The following PHF21A variants were observed in gnomAD, a reference collection of about 807,000 sequenced individuals.
PHF21A encodes PHD finger protein 21A, also known as BHC80a.
A neutral mutation model predicts 82.5 loss-of-function variants in PHF21A; 11 were observed. That is an observed-to-expected ratio of 0.13 (90% CI 0.08 to 0.22). The LOEUF is 0.22. Ranked by LOEUF, PHF21A falls within the 10% of genes least tolerant of loss-of-function variation. The pLI, the probability that PHF21A is intolerant of heterozygous loss-of-function variation, is 1.00. For synonymous variants in PHF21A, 297 were observed against 302.8 expected (o/e 0.98, Z 0.20); for missense variants, 579 against 837.8 (o/e 0.69, Z 3.81).
chr11:45,962,783 C>T (rs1184838758), intron 10 of PHF21A, among the ~76,000 whole-genome samples: 3 of 151,422 alleles, frequency 2.0e-5, no homozygotes, highest in Non-Finnish European at 4.4e-5. Flanking sequence ...GTCCCAGCTA[C>T]TTGGGAGGTT....
At chr11:46,089,039 GAC>G (rs2096890518) in intron 3 of PHF21A, among the ~76,000 whole-genome samples, 2 of 63,132 alleles carry the variant, frequency 3.2e-5, no homozygotes, top group South Asian at 1.3e-3. Flanking sequence ...ATAAGTCCAT[GAC>G]ACAGTGTGCC....
intron 10 of PHF21A, among the ~76,000 whole-genome samples, chr11:45,956,709 G>A (rs2092667412): frequency 6.6e-6 from 1 of 152,000 alleles, no homozygotes; most frequent in African/African-American, 2.4e-5. Flanking sequence ...GCATGAAAAT[G>A]ACACACTAAG....
chr11:46,073,629 AT>A (rs1331795689), intron 6 of PHF21A, among the ~76,000 whole-genome samples: 1 of 152,206 alleles, frequency 6.6e-6, no homozygotes, highest in Non-Finnish European at 1.5e-5. Context: ...ACACGCCCAC[AT>A]ACATATATAC....
At chr11:45,970,804 G>C (rs1468909021) in intron 8 of PHF21A, 13 of 304,814 alleles carry the variant, frequency 4.3e-5, no homozygotes, top group Admixed American at 3.8e-4. Flanking sequence ...TGTAGAGAGA[G>C]TGAAGGGAGA....
chr11:45,978,164 G>T (rs1003575306), intron 7 of PHF21A, among the ~76,000 whole-genome samples: 5 of 152,112 alleles, frequency 3.3e-5, no homozygotes, highest in African/African-American at 7.2e-5. Context: ...GCCGGGCATG[G>T]TGGCACGCGC....
chr11:46,051,449 AC>A (rs1387423709), intron 6 of PHF21A, among the ~76,000 whole-genome samples: 2 of 152,164 alleles, frequency 1.3e-5, no homozygotes, highest in African/African-American at 2.4e-5. Flanking sequence ...CATCTTGGGC[AC>A]AAAAGAGTTT....
chr11:46,000,052 C>T (rs1056755439), intron 6 of PHF21A, among the ~76,000 whole-genome samples: 4 of 152,230 alleles, frequency 2.6e-5, no homozygotes, highest in Non-Finnish European at 4.4e-5. Context: ...TCTAATTTTT[C>T]GATTGACTAG....
At chr11:46,032,900 ATAAG>A (rs1243407341) in intron 6 of PHF21A, among the ~76,000 whole-genome samples, 1 of 152,222 alleles carries the variant, frequency 6.6e-6, no homozygotes, top group Non-Finnish European at 1.5e-5. Context: ...ATATGAATGT[ATAAG>A]TATGTATACA....
intron 6 of PHF21A, among the ~76,000 whole-genome samples, chr11:46,071,466 A>G (rs2096655846): frequency 6.6e-6 from 1 of 152,264 alleles, no homozygotes; most frequent in Non-Finnish European, 1.5e-5. Flanking sequence ...ATGCCCTATA[A>G]TAATATGGCA....
chr11:46,024,462 T>C (rs2095698785), intron 6 of PHF21A, among the ~76,000 whole-genome samples: 1 of 152,178 alleles, frequency 6.6e-6, no homozygotes, highest in Non-Finnish European at 1.5e-5. Flanking sequence ...GGCCACCTAG[T>C]TTAGATTCTC....
Position 45,979,820 on chromosome 11 carries a change from C to A in PHF21A, c.300G>T (p.Gln100His). Residue 100 changes from glutamine (Q) to histidine (H), a missense_variant, in exon 7 of 19, where the codon CAG (glutamine) becomes CAT (histidine). By Grantham distance (24) the Gln-to-His change is conservative. Around this residue, in one of 3 missense-constraint regions of PHF21A, gnomAD observed 410 missense variants for 642.1 expected, o/e 0.64. Coordinates refer to ENST00000676320, the MANE Select transcript of PHF21A (RefSeq NM_001352027.3). Reference sequence around the variant, plus strand: ...ACTGCTGGGCGTGGTGGTGGTGGTACTGCTGCTGTTGTTGTAGTTGCTGTA... The same window carrying A: ...ACTGCTGGGCGTGGTGGTGGTGGTAATGCTGCTGTTGTTGTAGTTGCTGTA... ...QPLQQLQQQQQYHHHHAQQSA... is the reference protein window; with the variant it reads ...QPLQQLQQQQHYHHHHAQQSA... 1 of 1,614,084 alleles carries A rather than the reference C, an allele frequency of 6.2e-7. No individual in the cohort carries two copies. The highest frequency in any genetic ancestry group is 1.1e-5 in the South Asian group (1 of 91,074).
At chr11:46,068,168 T>G (rs1293826600) in intron 6 of PHF21A, among the ~76,000 whole-genome samples, 1 of 152,108 alleles carries the variant, frequency 6.6e-6, no homozygotes. Flanking sequence ...GCCTTGTAGG[T>G]CATAACCAGT....
intron 11 of PHF21A, 115 bp downstream of exon 11, chr11:45,953,412 T>C: frequency 1.4e-6 from 1 of 703,864 alleles, no homozygotes; most frequent in Non-Finnish European, 2.6e-6. Flanking sequence ...TAAAAGTGCA[T>C]AAGAAAATGA....
chr11:46,082,162 A>G (rs1173243709), intron 4 of PHF21A, among the ~76,000 whole-genome samples: 1 of 152,238 alleles, frequency 6.6e-6, no homozygotes, highest in African/African-American at 2.4e-5. Flanking sequence ...CTCACCATTC[A>G]TAAAGAAAAC....
intron 7 of PHF21A, among the ~76,000 whole-genome samples, chr11:45,978,003 A>G (rs577594516): frequency 6.6e-6 from 1 of 152,140 alleles, no homozygotes; most frequent in South Asian, 2.1e-4. Context: ...TTTCTCTTCT[A>G]AAAAACAGAG....
chr11:45,969,680 A>G lies in PHF21A; in HGVS notation c.702+135T>C, dbSNP rs540702875. The G allele has an allele frequency of 1.4e-5, 9 of 631,922 alleles. No individual in the cohort carries two copies. In the South Asian group the frequency reaches 1.4e-4, roughly 10 times the overall value. 39.1% of individuals were successfully genotyped at this position (631,922 alleles called of 1,614,324 possible). On this transcript the variant is annotated intron_variant, in intron 9 of 18. Transcript: ENST00000676320. ...AAATAAACTTCTTCATAGTACAGAA[A>G]TCAACAGTCAGAATGTTTAGCTAAG...
intron 10 of PHF21A, among the ~76,000 whole-genome samples, chr11:45,956,582 T>A (rs1591214383): frequency 6.6e-6 from 1 of 152,146 alleles, no homozygotes. Flanking sequence ...AGCAGGGTTT[T>A]AAAAATCTAA....
chr11:45,997,154 G>A (rs1473881405), intron 6 of PHF21A, among the ~76,000 whole-genome samples: 1 of 152,190 alleles, frequency 6.6e-6, no homozygotes, highest in Non-Finnish European at 1.5e-5. Flanking sequence ...GAAGATGGAT[G>A]ATTAGATCTA....
intron 6 of PHF21A, among the ~76,000 whole-genome samples, chr11:45,981,869 A>G (rs1011020182): frequency 6.6e-6 from 1 of 151,552 alleles, no homozygotes; most frequent in Non-Finnish European, 1.5e-5. Flanking sequence ...TAAAATCTTT[A>G]AGTAAAAAAA....
Sources: gnomAD v4.1 joint callset for allele counts (sites outside exome capture counted in the v4.1 genomes callset) on GRCh38, gnomAD v4.1.1 for gene constraint, gnomAD v4.1.1 regional missense constraint, MANE v1.5 for transcripts, NCBI Gene and HGNC (gene_info 2026-07-23, HGNC 2026-07-21) for gene names.